The following MMD2 variants were observed in gnomAD, a reference collection of about 807,000 sequenced individuals.
MMD2 encodes the protein monocyte to macrophage differentiation factor 2.
A neutral mutation model predicts 33.5 loss-of-function variants in MMD2; 30 were observed. That is an observed-to-expected ratio of 0.90 (90% CI 0.67 to 1.22). The LOEUF is 1.22. MMD2 is among the 50% of genes most tolerant of loss of function. MMD2 has a pLI of 0.00. For missense variants in MMD2, 364 were observed against 325.4 expected, an observed-to-expected ratio of 1.12 and a Z score of -0.91; for synonymous variants, 129 against 123.0, an observed-to-expected ratio of 1.05 and a Z score of -0.32.
At chr7:4,894,962 G>C in the MMD2 span, among the ~76,000 whole-genome samples, 98,034 of 151,942 alleles carry the variant, frequency 0.65, 32,416 homozygotes, top group East Asian at 0.79. The surrounding 1 kb of genome is among the most constrained non-coding windows in gnomAD (Gnocchi z 4.3). Context: ...AATGATCTTT[G>C]CTGGAAGCTG....
downstream of MMD2, among the ~76,000 whole-genome samples, chr7:4,905,219 G>C (rs1373593885): frequency 6.6e-6 from 1 of 151,274 alleles, no homozygotes; most frequent in African/African-American, 2.4e-5. This position sits in a 1 kb window ranked among gnomAD's most constrained non-coding sequence, Gnocchi z 5.0. Flanking sequence ...AGAAGTCAAA[G>C]TATCTTAGAA....
chr7:4,911,097 A>G (rs1451370077), intron 5 of MMD2, 48 bp downstream of exon 5: 3 of 1,469,432 alleles, frequency 2.0e-6, no homozygotes, highest in East Asian at 4.9e-5. Context: ...GGGAGGCCAG[A>G]GCATCTAAGG....
At chr7:4,916,100 G>A (rs748993173) in intron 3 of MMD2, 21 bp from the exon 4 acceptor site, 1 of 1,611,616 alleles carries the variant, frequency 6.2e-7, no homozygotes, top group South Asian at 1.1e-5. Flanking sequence ...AGAGAAGCCG[G>A]CAGTCACAGC....
chr7:4,944,356 T>C (rs1326971730), intron 1 of MMD2, among the ~76,000 whole-genome samples: 1 of 152,082 alleles, frequency 6.6e-6, no homozygotes, highest in Non-Finnish European at 1.5e-5. Context: ...TGGGCTCACT[T>C]GGAGGGAGCA....
chr7:4,924,854 G>A (rs1463991449), intron 2 of MMD2, among the ~76,000 whole-genome samples: 1 of 152,194 alleles, frequency 6.6e-6, no homozygotes, highest in Non-Finnish European at 1.5e-5. Context: ...GGTGGGAGGT[G>A]CGTGGACAGA....
chr7:4,949,186 G>A (rs1412152767), intron 1 of MMD2, among the ~76,000 whole-genome samples: 1 of 151,980 alleles, frequency 6.6e-6, no homozygotes, highest in African/African-American at 2.4e-5. Flanking sequence ...CTCTAGCCTG[G>A]GCAATAGAGT....
chr7:4,926,821 A>T (rs10951722), intron 1 of MMD2, among the ~76,000 whole-genome samples: 22,001 of 151,454 alleles, frequency 0.15, 1,867 homozygotes, highest in East Asian at 0.29. Context: ...CTCGGCTCAC[A>T]GCAAGCTCCG....
chr7:4,893,572 A>G, the MMD2 span, among the ~76,000 whole-genome samples: 1 of 151,082 alleles, frequency 6.6e-6, no homozygotes, highest in Non-Finnish European at 1.5e-5. Context: ...TTGTATTTTT[A>G]GTACAGACAT....
intron 1 of MMD2, among the ~76,000 whole-genome samples, chr7:4,938,935 C>T (rs934438864): frequency 2.6e-5 from 4 of 151,824 alleles, no homozygotes; most frequent in Admixed American, 6.6e-5. Context: ...AGGCTGGGCT[C>T]GATGGCTCAC....
chr7:4,946,398 T>G lies in MMD2; in HGVS notation c.47+12573A>C, dbSNP rs1786089496. ...AATGAAACCTTGGCTTTATCTAAGATAATAATGAAAATCCAAGTACTTTAA... is the reference window on the plus strand; with the variant it reads ...AATGAAACCTTGGCTTTATCTAAGAGAATAATGAAAATCCAAGTACTTTAA... On this transcript the variant is annotated intron_variant, in intron 1 of 6. Coordinates refer to ENST00000401401, the MANE Select transcript of MMD2 (RefSeq NM_198403.4). The surrounding 1 kb of genome is among the most constrained non-coding windows in gnomAD (Gnocchi z 5.0). Among the ~76,000 whole-genome samples the G allele has an allele frequency of 6.6e-6, 1 of 152,164 alleles. No individual in the cohort carries two copies. The highest frequency in any genetic ancestry group is 2.4e-5 in the African/African-American group (1 of 41,446).
At chr7:4,901,300 G>A (rs951395906), downstream of MMD2, among the ~76,000 whole-genome samples, 3 of 151,888 alleles carry the variant, frequency 2.0e-5, no homozygotes, top group Admixed American at 2.0e-4. Context: ...AATTAACTGA[G>A]CATAGTGGTA....
In MMD2 at chr7:4,911,179, C is replaced by T. The variant is rs780400553; in HGVS notation, c.433G>A (p.Val145Met). The T allele has an allele frequency of 1.3e-6, 2 of 1,595,352 alleles. No individual in the cohort carries two copies. The highest frequency in any genetic ancestry group is 8.5e-7 in the Non-Finnish European group (1 of 1,171,944). Residue 145 changes from valine to methionine, a missense_variant, in exon 5 of 7, where the codon GTG (valine) becomes ATG (methionine). By Grantham distance (21) the Val-to-Met change is conservative. Transcript: ENST00000401401. ...AAGAAGAAGACATAGATGGTGCCCA[C>T]GGAAGCCATAATCCAGACCAGCCAG... Reference protein sequence around the residue: ...MRWLVWIMASVGTIYVFFFHE... With the variant: ...MRWLVWIMASMGTIYVFFFHE...
rs1475752364 is a variant in MMD2, at chr7:4,946,194, C to T, written c.47+12777G>A. Among the ~76,000 whole-genome samples, 2 of 151,884 alleles carry T rather than the reference C, an allele frequency of 1.3e-5. No individual in the cohort carries two copies. Among genetic ancestry groups the T allele is most frequent in the East Asian group, 3.9e-4 (2 of 5,182 alleles). On this transcript the variant is annotated intron_variant, in intron 1 of 6. Transcript: ENST00000401401. The surrounding 1 kb of genome is among the most constrained non-coding windows in gnomAD (Gnocchi z 5.0). The stretch of plus-strand genomic sequence containing the variant: ...ACACATGCACACACACGCGCGCACA[C>T]CCACACACACGCATGCACACACATG...
chr7:4,918,483 C>CTTTCT (rs1785195568), intron 3 of MMD2, among the ~76,000 whole-genome samples: 1 of 131,030 alleles, frequency 7.6e-6, no homozygotes, highest in African/African-American at 2.9e-5. Flanking sequence ...TTCTTTCTTT[C>CTTTCT]TTTTTTTTTT....
chr7:4,912,007 T>C (rs1423907811), intron 4 of MMD2, among the ~76,000 whole-genome samples: 1 of 151,590 alleles, frequency 6.6e-6, no homozygotes, highest in African/African-American at 2.4e-5. Context: ...GAAGCTGGGG[T>C]GGGAGGATCG....
chr7:4,896,251 G>T, the MMD2 span, among the ~76,000 whole-genome samples: 23 of 152,104 alleles, frequency 1.5e-4, no homozygotes, highest in Admixed American at 1.5e-3. Flanking sequence ...AGGCTGAGGC[G>T]GGTGGACTGC....
At chr7:4,922,396 C>T (rs1562481956) in intron 2 of MMD2, among the ~76,000 whole-genome samples, 2 of 152,104 alleles carry the variant, frequency 1.3e-5, no homozygotes, top group South Asian at 2.1e-4. Flanking sequence ...AGGGCGAAAC[C>T]CCATCTCTAC....
chr7:4,902,789 A>T (rs188434150), downstream of MMD2, among the ~76,000 whole-genome samples: 390 of 152,060 alleles, frequency 2.6e-3, 3 homozygotes, highest in African/African-American at 9.1e-3. Context: ...CAACCCTTTG[A>T]CCTCTACCTG....
intron 1 of MMD2, among the ~76,000 whole-genome samples, chr7:4,952,313 T>C (rs1786267348): frequency 6.6e-6 from 1 of 152,232 alleles, no homozygotes; most frequent in Non-Finnish European, 1.5e-5. Context: ...TGTGCCTGGA[T>C]GAATCTGAAG....
Sources: gnomAD v4.1 joint callset for allele counts (sites outside exome capture counted in the v4.1 genomes callset) on GRCh38, gnomAD v4.1.1 for gene constraint, Gnocchi (gnomAD v3.1) non-coding constraint, MANE v1.5 for transcripts, NCBI Gene and HGNC (gene_info 2026-07-23, HGNC 2026-07-21) for gene names.